Variants in DTWD2 observed in about 807,000 individuals in gnomAD.
The protein encoded by DTWD2 is DTW motif tRNA-uridine aminocarboxypropyltransferase 2, also known as tRNA-uridine aminocarboxypropyltransferase 2.
In DTWD2, 39 loss-of-function variants were observed where a neutral mutation model predicts 31.8. The observed-to-expected ratio is 1.22, with a 90% CI of 0.95 to 1.60. The LOEUF is 1.60. Ranked by LOEUF, DTWD2 falls within the 40% of genes most tolerant of loss-of-function variation. The pLI, the probability that DTWD2 is intolerant of heterozygous loss-of-function variation, is 0.00. For missense variants in DTWD2, 515 were observed against 381.5 expected (o/e 1.35, Z -2.92); for synonymous variants, 180 against 142.8 (o/e 1.26, Z -1.86).
At chr5:118,975,059 G>C (rs1314744880) in intron 1 of DTWD2, among the ~76,000 whole-genome samples, 1 of 152,074 alleles carries the variant, frequency 6.6e-6, no homozygotes, top group East Asian at 1.9e-4. Flanking sequence ...TCCTGAATTT[G>C]AATGTTGGCC....
chr5:118,964,543 G>A (rs536335446), intron 1 of DTWD2, among the ~76,000 whole-genome samples: 1 of 151,782 alleles, frequency 6.6e-6, no homozygotes, highest in Non-Finnish European at 1.5e-5. Flanking sequence ...CTCCCTGCCT[G>A]ATGCTCCTGC....
intron 1 of DTWD2, among the ~76,000 whole-genome samples, chr5:118,955,898 G>A (rs1754574230): frequency 6.6e-6 from 1 of 151,622 alleles, no homozygotes; most frequent in Non-Finnish European, 1.5e-5. Flanking sequence ...TGTAAATAAT[G>A]AATATTCATT....
intron 4 of DTWD2, among the ~76,000 whole-genome samples, chr5:118,913,133 T>C (rs1753496293): frequency 6.6e-6 from 1 of 152,118 alleles, no homozygotes; most frequent in Admixed American, 6.6e-5. Flanking sequence ...AAGGTCTGAT[T>C]GCAAAAATTC....
At chr5:118,897,248 G>C (rs1264428696) in intron 4 of DTWD2, among the ~76,000 whole-genome samples, 2 of 152,212 alleles carry the variant, frequency 1.3e-5, no homozygotes, top group Non-Finnish European at 2.9e-5. Flanking sequence ...TCTTCTCCCA[G>C]TGAAATCACA....
intron 4 of DTWD2, among the ~76,000 whole-genome samples, chr5:118,921,422 G>A (rs767656991): frequency 6.6e-6 from 1 of 151,586 alleles, no homozygotes; most frequent in African/African-American, 2.4e-5. Context: ...CAGAGGCTGA[G>A]GTGGGTGGAT....
intron 4 of DTWD2, among the ~76,000 whole-genome samples, chr5:118,850,199 C>G (rs1751964824): frequency 1.3e-5 from 2 of 150,638 alleles, no homozygotes; most frequent in African/African-American, 4.9e-5. Context: ...TGGAGTGGCT[C>G]ACACCTGTAA....
At chr5:118,928,024 A>G (rs1167073699) in intron 4 of DTWD2, among the ~76,000 whole-genome samples, 1 of 152,138 alleles carries the variant, frequency 6.6e-6, no homozygotes, top group African/African-American at 2.4e-5. Flanking sequence ...CAGGAATATA[A>G]GAATGGACCA....
Position 118,972,686 on chromosome 5 carries a change from C to T in DTWD2, c.218+15608G>A, listed in dbSNP as rs553670965. Among the ~76,000 whole-genome samples, 4 of 152,196 alleles carry T rather than the reference C, an allele frequency of 2.6e-5. No individual in the cohort carries two copies. In the East Asian group the frequency reaches 7.7e-4, roughly 29 times the overall value. On this transcript the variant is annotated intron_variant, in intron 1 of 5. Transcript: ENST00000510708. ...AGATACAAAAACATAAAAAATTGCCCTCCAATATCCCTGATGAACATCAAC... is the reference window on the plus strand; with the variant it reads ...AGATACAAAAACATAAAAAATTGCCTTCCAATATCCCTGATGAACATCAAC...
intron 1 of DTWD2, among the ~76,000 whole-genome samples, chr5:118,967,777 GA>G (rs1301591476): frequency 6.6e-6 from 1 of 152,136 alleles, no homozygotes; most frequent in African/African-American, 2.4e-5. Context: ...AAAGAATGGG[GA>G]AAATAGAGAA....
intron 4 of DTWD2, among the ~76,000 whole-genome samples, chr5:118,856,277 A>G (rs944881662): frequency 6.6e-6 from 1 of 152,124 alleles, no homozygotes; most frequent in Non-Finnish European, 1.5e-5. Flanking sequence ...TTCTTCTATA[A>G]CTTGTCTTTT....
chr5:118,901,694 T>C (rs929441998), intron 4 of DTWD2, among the ~76,000 whole-genome samples: 13 of 152,122 alleles, frequency 8.5e-5, no homozygotes, highest in Non-Finnish European at 4.4e-5. Context: ...AAAATAATAA[T>C]TAAATGTGTC....
intron 4 of DTWD2, among the ~76,000 whole-genome samples, chr5:118,925,865 G>T (rs537503200): frequency 6.6e-6 from 1 of 151,506 alleles, no homozygotes; most frequent in Admixed American, 6.6e-5. Flanking sequence ...AGAACTAAAA[G>T]TAGATCTACC....
intron 4 of DTWD2, among the ~76,000 whole-genome samples, chr5:118,865,971 G>T (rs1376401423): frequency 6.6e-6 from 1 of 151,642 alleles, no homozygotes; most frequent in Non-Finnish European, 1.5e-5. Context: ...TATACCAAAG[G>T]TCTAAAAGAG....
chr5:118,980,056 G>T (rs373967834), intron 1 of DTWD2, among the ~76,000 whole-genome samples: 1 of 152,166 alleles, frequency 6.6e-6, no homozygotes, highest in Non-Finnish European at 1.5e-5. Context: ...TTTCGTAACT[G>T]GACTTTGGAG....
chr5:118,981,592 A>C (rs141880913), intron 1 of DTWD2, among the ~76,000 whole-genome samples: 1 of 152,018 alleles, frequency 6.6e-6, no homozygotes, highest in African/African-American at 2.4e-5. Context: ...ATGGGGTCTT[A>C]CTCTGTCACC....
intron 3 of DTWD2, among the ~76,000 whole-genome samples, chr5:118,938,437 TCTTAATCATTCC>T (rs1240638580): frequency 1.3e-5 from 2 of 152,190 alleles, no homozygotes; most frequent in Non-Finnish European, 2.9e-5. Flanking sequence ...GCAGTATGTC[TCTTAATCATTCC>T]CCGATGATTT....
intron 4 of DTWD2, among the ~76,000 whole-genome samples, chr5:118,882,831 A>G (rs964658702): frequency 1.3e-5 from 2 of 152,204 alleles, no homozygotes; most frequent in Non-Finnish European, 2.9e-5. Flanking sequence ...CATTCATAGG[A>G]AAGTCTGCCA....
At chr5:118,870,734 A>G (rs1200377036) in intron 4 of DTWD2, among the ~76,000 whole-genome samples, 2 of 152,124 alleles carry the variant, frequency 1.3e-5, no homozygotes, top group Non-Finnish European at 2.9e-5. Flanking sequence ...ATTTCATAGA[A>G]TAAGACAATA....
chr5:118,865,413 A>G (rs931447877), intron 4 of DTWD2, among the ~76,000 whole-genome samples: 8 of 152,144 alleles, frequency 5.3e-5, no homozygotes, highest in Admixed American at 5.2e-4. Flanking sequence ...GTTCCTAAAT[A>G]TACTATATAC....
Sources: gnomAD v4.1 joint callset for allele counts (sites outside exome capture counted in the v4.1 genomes callset) on GRCh38, gnomAD v4.1.1 for gene constraint, MANE v1.5 for transcripts, NCBI Gene and HGNC (gene_info 2026-07-23, HGNC 2026-07-21) for gene names.